COBLL1: variants seen among roughly 807,000 people sequenced by gnomAD.
COBLL1 encodes the protein cordon-bleu WH2 repeat protein like 1, also known as cordon-bleu protein-like 1.
In COBLL1, 50 loss-of-function variants were observed where a neutral mutation model predicts 94.8. The ratio of observed to expected loss-of-function variants is 0.53; its 90% CI spans 0.42 to 0.67. COBLL1 has a LOEUF of 0.67. Among genes scored for constraint, COBLL1 ranks in the 30% least tolerant of loss-of-function variants. COBLL1 has a pLI of 0.00. For missense variants in COBLL1, 1,362 were observed against 1,348.7 expected (o/e 1.01, Z -0.15); for synonymous variants, 448 against 473.8 (o/e 0.95, Z 0.71).
At chr2:164,800,752 G>C (rs922650280) in intron 2 of COBLL1, among the ~76,000 whole-genome samples, 28 of 152,048 alleles carry the variant, frequency 1.8e-4, no homozygotes, top group Admixed American at 8.5e-4. Context: ...ACACGTAAAA[G>C]TTAGATGAAT....
chr2:164,666,772 A>C (rs1400460949), intron 1 of COBLL1, among the ~76,000 whole-genome samples: 1 of 152,190 alleles, frequency 6.6e-6, no homozygotes, highest in East Asian at 1.9e-4. Flanking sequence ...TTTTCTTATG[A>C]GATTGTGGCA....
chr2:164,689,840 T>C (rs531455486), intron 13 of COBLL1, among the ~76,000 whole-genome samples: 36 of 152,252 alleles, frequency 2.4e-4, no homozygotes, highest in Non-Finnish European at 4.3e-4. Flanking sequence ...CACCAACCCC[T>C]CCTTTTTTCC....
chr2:164,694,562 C>A lies in COBLL1; in HGVS notation c.2830G>T (p.Ala944Ser), dbSNP rs780032176. 2.5e-6 allele frequency: 4 copies of A among 1,613,794 alleles called. No homozygotes were observed. In the African/African-American group the frequency reaches 5.3e-5, roughly 22 times the overall value. ...GCTATGGGAGGAGGGGAGGCTTCAGCAGGAGCCTGACCGATGACATCATCA... is the reference window on the plus strand; with the variant it reads ...GCTATGGGAGGAGGGGAGGCTTCAGAAGGAGCCTGACCGATGACATCATCA... ...TDDDVIGQAP[A>S]EASPPPIAPK... The change falls in exon 12 of 14, where the codon GCT becomes TCT. Residue 944 changes from alanine (A) to serine (S), a missense_variant. Coordinates refer to ENST00000652658, the MANE Select transcript of COBLL1 (RefSeq NM_001365672.2).
rs985139450 is a variant in COBLL1, at chr2:164,841,758, C to T, written c.-99G>A. 5.5e-6 allele frequency: 3 copies of T among 541,796 alleles called. No individual in the cohort carries two copies. The African/African-American group carries it at 6.1e-5, about 11-fold the overall frequency. The allele number at this position is 541,796 out of a possible 1,614,324, so 33.6% of individuals were successfully genotyped here. On this transcript the variant is annotated 5_prime_UTR_variant, in exon 1 of 14. Transcript: ENST00000652658. The surrounding 1 kb of genome is among the most constrained non-coding windows in gnomAD (Gnocchi z 5.5). ...GCTCGCCTGTTCTCCCTCGCGGCTTCCTCTCCTACTCTTCCCTTCCCCGGC... is the reference window on the plus strand; with the variant it reads ...GCTCGCCTGTTCTCCCTCGCGGCTTTCTCTCCTACTCTTCCCTTCCCCGGC...
At chr2:164,744,258 AT>A (rs1327994296) in intron 2 of COBLL1, among the ~76,000 whole-genome samples, 4 of 152,160 alleles carry the variant, frequency 2.6e-5, no homozygotes, top group African/African-American at 7.2e-5. Flanking sequence ...TCTCACTCTC[AT>A]TTCACAGTAA....
chr2:164,711,044 A>G (rs896772537), intron 7 of COBLL1, among the ~76,000 whole-genome samples: 2 of 152,124 alleles, frequency 1.3e-5, no homozygotes, highest in African/African-American at 2.4e-5. Flanking sequence ...GACCCACTAC[A>G]ATGATTCCCA....
At chr2:164,710,540 A>G (rs1684837748) in intron 7 of COBLL1, among the ~76,000 whole-genome samples, 1 of 151,402 alleles carries the variant, frequency 6.6e-6, no homozygotes, top group South Asian at 2.1e-4. Flanking sequence ...GGCTGGGAAG[A>G]CCACTGATCC....
At chr2:164,664,818 C>T (rs978919420) in intron 2 of COBLL1, among the ~76,000 whole-genome samples, 3 of 152,138 alleles carry the variant, frequency 2.0e-5, no homozygotes, top group Non-Finnish European at 4.4e-5. Context: ...AAACCATGGT[C>T]ATTTAGTTCT....
At chr2:164,820,061 T>C (rs1685087799) in intron 2 of COBLL1, among the ~76,000 whole-genome samples, 1 of 151,252 alleles carries the variant, frequency 6.6e-6, no homozygotes, top group Non-Finnish European at 1.5e-5. Flanking sequence ...CTCGAACTCC[T>C]GACCTCAGGT....
intron 5 of COBLL1, chr2:164,727,246 T>A: frequency 1.8e-6 from 1 of 542,826 alleles, no homozygotes; most frequent in Non-Finnish European, 3.2e-6. Context: ...ATGGATTACA[T>A]AAAGCCACCA....
At chr2:164,818,275 T>C (rs527689575) in intron 2 of COBLL1, among the ~76,000 whole-genome samples, 1 of 148,696 alleles carries the variant, frequency 6.7e-6, no homozygotes, top group Admixed American at 6.6e-5. Flanking sequence ...CACGTATGTA[T>C]GTATACATAT....
At chr2:164,697,933 A>T (rs1684039550) in intron 11 of COBLL1, 1 of 152,122 alleles carries the variant, frequency 6.6e-6, no homozygotes, top group African/African-American at 2.4e-5. Context: ...TGACACTGAC[A>T]TTGACAAACT....
chr2:164,717,721 T>C (rs1344371535), intron 7 of COBLL1, among the ~76,000 whole-genome samples: 1 of 152,038 alleles, frequency 6.6e-6, no homozygotes, highest in Non-Finnish European at 1.5e-5. Flanking sequence ...GCCTGGCTGA[T>C]TTATTTTATT....
chr2:164,691,768 T>A (rs532367620), intron 13 of COBLL1, among the ~76,000 whole-genome samples: 2 of 152,224 alleles, frequency 1.3e-5, no homozygotes, highest in Non-Finnish European at 2.9e-5. Flanking sequence ...ATTCTCTAGA[T>A]ATTCTGCACT....
Position 164,685,479 on chromosome 2 carries a change from A to G in COBLL1, c.*467T>C, listed in dbSNP as rs974064182. On this transcript the variant is annotated 3_prime_UTR_variant, in exon 14 of 14. Coordinates refer to ENST00000652658, the MANE Select transcript of COBLL1 (RefSeq NM_001365672.2). ...TTTGGTATCACTAGTTTTCTAAATC[A>G]TTCTTTCAGCCCAAAACAGGCTTTC... 4 of 152,428 alleles carry G rather than the reference A, an allele frequency of 2.6e-5. No homozygotes were observed. Among genetic ancestry groups the G allele is most frequent in the African/African-American group, 9.6e-5 (4 of 41,468 alleles). The allele number at this position is 152,428 out of a possible 1,614,324, so 9.4% of individuals were successfully genotyped here.
At position 164,735,847 on chromosome 2, in the gene COBLL1, G is replaced by A. The variant is rs1686275821; in HGVS notation, c.231-5732C>T. ...GCCTGTCTTCCTGTTTCCTAAGGCA[G>A]GAGCACACGTGAGCAGTCCATCTAA... On this transcript the variant is annotated intron_variant, in intron 3 of 13. Transcript: ENST00000652658. Among the ~76,000 whole-genome samples, 3 of 152,092 alleles carry A rather than the reference G, an allele frequency of 2.0e-5. No homozygotes were observed. In the South Asian group the frequency reaches 6.2e-4, roughly 32 times the overall value.
chr2:164,753,994 A>C (rs1223925287), intron 2 of COBLL1, among the ~76,000 whole-genome samples: 1 of 152,036 alleles, frequency 6.6e-6, no homozygotes, highest in African/African-American at 2.4e-5. Context: ...CGGCCTCCTA[A>C]AGTGCTGAAG....
intron 2 of COBLL1, among the ~76,000 whole-genome samples, chr2:164,782,496 C>T (rs374503516): frequency 6.6e-6 from 1 of 151,886 alleles, no homozygotes; most frequent in South Asian, 2.1e-4. Flanking sequence ...AAAGAAAAAG[C>T]AGATTAGTAG....
In COBLL1 at chr2:164,670,015, A is replaced by AT. The variant is rs1691219830; in HGVS notation, n.127-4115dup. ...TGTCATTGCCGCTCCTTGAACTGTT[A>AT]TTTTTCCATTGAAAATATAATACAG... On this transcript the variant is annotated intron_variant and non_coding_transcript_variant, in intron 1 of 2. Coordinates refer to the COBLL1 transcript ENST00000495084. Among the ~76,000 whole-genome samples, 3 of 152,118 alleles carry AT rather than the reference A, an allele frequency of 2.0e-5. No individual in the cohort carries two copies. In the South Asian group the frequency reaches 6.2e-4, roughly 31 times the overall value.
Sources: gnomAD v4.1 joint callset for allele counts (sites outside exome capture counted in the v4.1 genomes callset) on GRCh38, gnomAD v4.1.1 for gene constraint, Gnocchi (gnomAD v3.1) non-coding constraint, MANE v1.5 for transcripts, NCBI Gene and HGNC (gene_info 2026-07-23, HGNC 2026-07-21) for gene names.